Variants in SYPL2 observed in about 807,000 individuals in gnomAD.
SYPL2 encodes synaptophysin like 2, also known as synaptophysin-like protein 2.
In SYPL2, 24 loss-of-function variants were observed where a neutral mutation model predicts 31.3. The observed-to-expected ratio is 0.77, with a 90% CI of 0.56 to 1.08. The LOEUF (loss-of-function observed/expected upper bound fraction) is 1.08, where lower values mean the gene tolerates loss of function less well. Ranked by LOEUF, SYPL2 falls within the 50% of genes least tolerant of loss-of-function variation. The pLI is 0.00. For missense variants in SYPL2, 342 were observed against 360.1 expected, an observed-to-expected ratio of 0.95 and a Z score of 0.41; for synonymous variants, 144 against 143.1, an observed-to-expected ratio of 1.01 and a Z score of -0.05.
At position 109,477,918 on chromosome 1, in the gene SYPL2, G is replaced by A. The variant is rs370702219; in HGVS notation, c.557G>A (p.Ser186Asn). The change falls in exon 5 of 6, where the codon AGC becomes AAC. Residue 186 changes from serine (S) to asparagine (N), a missense_variant. Transcript: ENST00000369872. ...GTCAAGGGGGCCACACGACCATCCAGCTTGACAGCAGCCATGTCAGTGTGC... is the reference window on the plus strand; with the variant it reads ...GTCAAGGGGGCCACACGACCATCCAACTTGACAGCAGCCATGTCAGTGTGC... ...TDVKGATRPS[S>N]LTAAMSVCHG... 1 of 1,614,244 alleles carries A rather than the reference G, an allele frequency of 6.2e-7. No individual in the cohort carries two copies.
chr1:109,481,927 A>G lies in SYPL2; in HGVS notation c.*2379A>G, dbSNP rs1055390199. On this transcript the variant is annotated 3_prime_UTR_variant, in exon 6 of 6. Transcript: ENST00000369872. ...GCTGTAGGAGGCTAATGGGCAGGGT[A>G]CTTGCCCTTTGTCCCACTAGACTCT... The G allele has an allele frequency of 2.0e-5, 3 of 152,656 alleles. No homozygotes were observed. The highest frequency in any genetic ancestry group is 4.4e-5 in the Non-Finnish European group (3 of 68,072). 9.5% of individuals were successfully genotyped at this position (152,656 alleles called of 1,614,324 possible).
rs750748032 is a variant in SYPL2, at chr1:109,479,508, A to G, written c.779A>G (p.Gln260Arg). ...QDQDQGQGPS[Q>R]ESAAEQGAVE... Reference sequence around the variant, plus strand: ...CAGGACCAGGGCCAGGGTCCCAGCCAGGAGAGTGCAGCTGAGCAGGGAGCA... The same window carrying G: ...CAGGACCAGGGCCAGGGTCCCAGCCGGGAGAGTGCAGCTGAGCAGGGAGCA... Residue 260 changes from glutamine to arginine, a missense_variant, in exon 6 of 6, where the codon CAG (glutamine) becomes CGG (arginine). By Grantham distance (43) the Gln-to-Arg change is conservative. Coordinates refer to ENST00000369872, the MANE Select transcript of SYPL2 (RefSeq NM_001040709.2). The G allele has an allele frequency of 6.2e-7, 1 of 1,614,216 alleles. No homozygotes were observed. The highest frequency in any genetic ancestry group is 1.1e-5 in the South Asian group (1 of 91,086).
rs1273769341 is a variant in SYPL2, at chr1:109,480,993, C to T, written c.*1445C>T. On this transcript the variant is annotated 3_prime_UTR_variant, in exon 6 of 6. Coordinates refer to ENST00000369872, the MANE Select transcript of SYPL2 (RefSeq NM_001040709.2). ...GGAAGAAGAGGGAAGAATCCGACCA[C>T]TTTCCAATCCAGTGCCAATTGGCCC... is the stretch of plus-strand genomic sequence containing the variant. The T allele has an allele frequency of 6.5e-6, 1 of 152,726 alleles. No homozygotes were observed. The highest frequency in any genetic ancestry group is 1.5e-5 in the Non-Finnish European group (1 of 68,114). The allele number at this position is 152,726 out of a possible 1,614,324, so 9.5% of individuals were successfully genotyped here. A position where few individuals can be genotyped will look rare whatever the true frequency, so the allele number is the denominator to read the frequency against.
chr1:109,466,710 G>C lies in SYPL2; in HGVS notation c.-134G>C. 1.0e-6 allele frequency: 1 copy of C among 964,160 alleles called. No homozygotes were observed. 59.7% of individuals were successfully genotyped at this position (964,160 alleles called of 1,614,324 possible). A position where few individuals can be genotyped will look rare whatever the true frequency, so the allele number is the denominator to read the frequency against. On this transcript the variant is annotated 5_prime_UTR_variant, in exon 1 of 6. Transcript: ENST00000369872. ...CAGCCAGACTGGACTCCGGCCCACC[G>C]ACGGCCGCTCGCGCTCCGGCCCCGC...
In SYPL2 at chr1:109,475,623, G is replaced by T. The variant is rs779303619; in HGVS notation, c.172G>T (p.Gly58Trp). The T allele has an allele frequency of 6.2e-7, 1 of 1,614,072 alleles. No individual in the cohort carries two copies. The highest frequency in any genetic ancestry group is 8.5e-7 in the Non-Finnish European group (1 of 1,179,990). ...CTTCGGGTCCTGTGGCTCCTACAGCGGGGAGACAGGAGCAATGGTTCGCTG... is the reference window on the plus strand; with the variant it reads ...CTTCGGGTCCTGTGGCTCCTACAGCTGGGAGACAGGAGCAATGGTTCGCTG... ...FAFGSCGSYS[G>W]ETGAMVRCNN... The change falls in exon 3 of 6, where the codon GGG becomes TGG. Residue 58 changes from glycine (G) to tryptophan (W), a missense_variant. By Grantham distance (184) the Gly-to-Trp change is radical (BLOSUM62 -2). Transcript: ENST00000369872.
chr1:109,475,456 A>G (rs1399637986), intron 2 of SYPL2, 125 bp from the exon 3 acceptor site: 2 of 1,333,266 alleles, frequency 1.5e-6, no homozygotes, highest in Non-Finnish European at 2.0e-6. Context: ...GAACTTGATT[A>G]AAGGGGATCC....
rs1374795746 is a variant in SYPL2 at position 109,466,590 on chromosome 1, C to T, written c.-254C>T. The stretch of plus-strand genomic sequence containing the variant: ...CTGCGAGTTTGACAGAAGTTTGAAT[C>T]CGAGTCGGGGGCTTTCTGCTGCCGG... On this transcript the variant is annotated 5_prime_UTR_variant, in exon 1 of 6. Transcript: ENST00000369872. The T allele has an allele frequency of 2.5e-6, 1 of 401,578 alleles. No individual in the cohort carries two copies. Among genetic ancestry groups the T allele is most frequent in the African/African-American group, 2.1e-5 (1 of 47,600 alleles). The allele number at this position is 401,578 out of a possible 1,614,324, so 24.9% of individuals were successfully genotyped here. A position where few individuals can be genotyped will look rare whatever the true frequency, so the allele number is the denominator to read the frequency against.
intron 1 of SYPL2, 44 bp from the exon 2 acceptor site, chr1:109,467,015 G>T: frequency 6.6e-7 from 1 of 1,504,712 alleles, no homozygotes; most frequent in Non-Finnish European, 8.8e-7. Context: ...GCCTTCCCAG[G>T]GTTCCCCACC....
chr1:109,481,157 T>C lies in SYPL2; in HGVS notation c.*1609T>C, dbSNP rs1294503741. On this transcript the variant is annotated 3_prime_UTR_variant, in exon 6 of 6. Coordinates refer to ENST00000369872, the MANE Select transcript of SYPL2 (RefSeq NM_001040709.2). ...TGGGGTACCTAGGAGTCAGGACTTT[T>C]GACTTCAGGCCAGTCATTTCCTCCC... 6.5e-6 allele frequency: 1 copy of C among 152,688 alleles called. No individual in the cohort carries two copies. Among genetic ancestry groups the C allele is most frequent in the Non-Finnish European group, 1.5e-5 (1 of 68,052 alleles). The allele number at this position is 152,688 out of a possible 1,614,324, so 9.5% of individuals were successfully genotyped here.
chr1:109,467,404 G>T (rs906468100), intron 2 of SYPL2, among the ~76,000 whole-genome samples: 1 of 152,200 alleles, frequency 6.6e-6, no homozygotes, highest in Non-Finnish European at 1.5e-5. Context: ...ATTTCACCCG[G>T]GCGAGAGGAC....
chr1:109,477,946 T>C lies in SYPL2; in HGVS notation c.585T>C (p.His195=). Reference sequence around the variant, plus strand: ...TGACAGCAGCCATGTCAGTGTGCCATGGAGAGGAAGCAGTGTGCAGTGCCG... The same window carrying C: ...TGACAGCAGCCATGTCAGTGTGCCACGGAGAGGAAGCAGTGTGCAGTGCCG... The part of the protein sequence containing the change: ...SSLTAAMSVC[H]GEEAVCSAGA... Residue 195 remains histidine, a synonymous_variant, in exon 5 of 6, where the codon CAT becomes CAC. Coordinates refer to ENST00000369872, the MANE Select transcript of SYPL2 (RefSeq NM_001040709.2). 1.2e-6 allele frequency: 2 copies of C among 1,614,178 alleles called. No individual in the cohort carries two copies. The highest frequency in any genetic ancestry group is 1.7e-6 in the Non-Finnish European group (2 of 1,180,014).
intron 4 of SYPL2, among the ~76,000 whole-genome samples, 166 bp downstream of exon 4, chr1:109,477,143 T>C (rs536616244): frequency 9.9e-5 from 15 of 152,272 alleles, no homozygotes; most frequent in African/African-American, 2.4e-5. Context: ...GGAGGCACAA[T>C]AGCACCATAC....
rs1235868613 is a variant in SYPL2 at position 109,478,107 on chromosome 1, C to G, written c.648+98C>G. The stretch of plus-strand genomic sequence containing the variant: ...AAAGGAAAGAGAGGGTGTCCCAGAG[C>G]TGGTGTCCCCTGCACCTGGAGCTGG... On this transcript the variant is annotated intron_variant, in intron 5 of 5. Coordinates refer to ENST00000369872, the MANE Select transcript of SYPL2 (RefSeq NM_001040709.2). The surrounding 1 kb of genome is among the most constrained non-coding windows in gnomAD (Gnocchi z 4.0). 6.6e-7 allele frequency: 1 copy of G among 1,509,956 alleles called. No homozygotes were observed. Among genetic ancestry groups the G allele is most frequent in the Non-Finnish European group, 8.9e-7 (1 of 1,129,590 alleles). The allele number at this position is 1,509,956 out of a possible 1,614,324, so 93.5% of individuals were successfully genotyped here.
Position 109,479,675 on chromosome 1 carries a change from C to T in SYPL2, c.*127C>T, listed in dbSNP as rs145259229. On this transcript the variant is annotated 3_prime_UTR_variant, in exon 6 of 6. Coordinates refer to ENST00000369872, the MANE Select transcript of SYPL2 (RefSeq NM_001040709.2). ...TCATTCTGGTCTTTGAGCTTTGAGA[C>T]GATGGGCAGGCATCAGCTGTTGGAA... The T allele has an allele frequency of 0.014, 20,093 of 1,426,500 alleles. 263 individuals are homozygous for T. Among genetic ancestry groups the T allele is most frequent in the South Asian group, 0.051 (3,655 of 72,274 alleles). 88.4% of individuals were successfully genotyped at this position (1,426,500 alleles called of 1,614,324 possible).
At chr1:109,469,751 G>A (rs1318261169) in intron 2 of SYPL2, among the ~76,000 whole-genome samples, 1 of 146,244 alleles carries the variant, frequency 6.8e-6, no homozygotes, top group Non-Finnish European at 1.5e-5. Flanking sequence ...TGAGGCTGGA[G>A]GATCATTGAG....
At position 109,481,834 on chromosome 1, in the gene SYPL2, C is replaced by T. The variant is rs539158213; in HGVS notation, c.*2286C>T. Reference sequence around the variant, plus strand: ...CTCATAGGACTCATGTTCTCTCCAACCAGGGCTGGCATCACTGCTTTGCAA... The same window carrying T: ...CTCATAGGACTCATGTTCTCTCCAATCAGGGCTGGCATCACTGCTTTGCAA... On this transcript the variant is annotated 3_prime_UTR_variant, in exon 6 of 6. Coordinates refer to ENST00000369872, the MANE Select transcript of SYPL2 (RefSeq NM_001040709.2). 6.6e-6 allele frequency: 1 copy of T among 152,364 alleles called. No homozygotes were observed. 9.4% of individuals were successfully genotyped at this position (152,364 alleles called of 1,614,324 possible).
Position 109,476,984 on chromosome 1 carries a change from C to A in SYPL2, c.456+7C>A. On this transcript the variant is annotated splice_region_variant and intron_variant, in intron 4 of 5. Coordinates refer to ENST00000369872, the MANE Select transcript of SYPL2 (RefSeq NM_001040709.2). The stretch of plus-strand genomic sequence containing the variant: ...CAAACGCTTCCCGCTGGTGGTGAGT[C>A]AGCACAGGCCAGAAGGAATGGGGTG... 1.9e-6 allele frequency: 3 copies of A among 1,614,108 alleles called. No homozygotes were observed. Among genetic ancestry groups the A allele is most frequent in the Non-Finnish European group, 2.5e-6 (3 of 1,179,982 alleles).
rs932260060 is a variant in SYPL2, at chr1:109,478,801, A to T, written c.649-577A>T. Among the ~76,000 whole-genome samples the T allele has an allele frequency of 6.6e-6, 1 of 152,166 alleles. No individual in the cohort carries two copies. The highest frequency in any genetic ancestry group is 2.4e-5 in the African/African-American group (1 of 41,432). On this transcript the variant is annotated intron_variant, in intron 5 of 5. Coordinates refer to ENST00000369872, the MANE Select transcript of SYPL2 (RefSeq NM_001040709.2). This position sits in a 1 kb window ranked among gnomAD's most constrained non-coding sequence, Gnocchi z 4.0. Reference sequence around the variant, plus strand: ...GACTGTGCCATTAACTTTTTACTAGACTTGCTTTATCACATATTTATTCAC... The same window carrying T: ...GACTGTGCCATTAACTTTTTACTAGTCTTGCTTTATCACATATTTATTCAC...
intron 2 of SYPL2, among the ~76,000 whole-genome samples, chr1:109,472,707 G>A (rs1248472506): frequency 1.3e-5 from 2 of 148,900 alleles, no homozygotes; most frequent in African/African-American, 2.5e-5. Flanking sequence ...GAACTCCTGG[G>A]CTCAAGTGAT....
Sources: allele counts gnomAD v4.1 joint callset (sites outside exome capture counted in the v4.1 genomes callset), GRCh38; gene constraint gnomAD v4.1.1; non-coding constraint Gnocchi (gnomAD v3.1); transcripts MANE v1.5; gene names NCBI Gene and HGNC (gene_info 2026-07-23, HGNC 2026-07-21).